The following KLRG1 variants were observed in gnomAD, a reference collection of about 807,000 sequenced individuals.
KLRG1 encodes the protein killer cell lectin like receptor G1, also known as killer cell lectin-like receptor subfamily G member 1.
KLRG1 carries 16 observed loss-of-function variants against 21.8 expected under a neutral mutation model. That is an observed-to-expected ratio of 0.73 (90% CI 0.50 to 1.11). The LOEUF (loss-of-function observed/expected upper bound fraction) is 1.11. KLRG1 is among the 50% of genes most tolerant of loss of function. The pLI is 0.00. For missense variants in KLRG1, 173 were observed against 218.3 expected, an observed-to-expected ratio of 0.79 and a Z score of 1.31; for synonymous variants, 69 against 75.9, an observed-to-expected ratio of 0.91 and a Z score of 0.47.
At chr12:9,196,424 G>A in the KLRG1 span, 2 of 1,611,932 alleles carry the variant, frequency 1.2e-6, no homozygotes, top group Non-Finnish European at 1.7e-6. Context: ...GATCCTGTTT[G>A]CAGTGACTTC....
chr12:9,068,239 A>AC, the KLRG1 span: 1 of 1,603,010 alleles, frequency 6.2e-7, no homozygotes, highest in South Asian at 1.1e-5. Flanking sequence ...AAAAAAAAAA[A>AC]CCAACAAAAA....
At chr12:9,180,137 T>A in the KLRG1 span, among the ~76,000 whole-genome samples, 1 of 152,176 alleles carries the variant, frequency 6.6e-6, no homozygotes, top group East Asian at 1.9e-4. Context: ...TTTATTTATT[T>A]ATTTATTTTA....
the KLRG1 span, among the ~76,000 whole-genome samples, chr12:9,130,547 T>G: frequency 6.6e-6 from 1 of 152,186 alleles, no homozygotes. Context: ...CTCTGGTGAT[T>G]AGTAATGTTG....
At chr12:9,030,985 G>A in the KLRG1 span, among the ~76,000 whole-genome samples, 1 of 152,250 alleles carries the variant, frequency 6.6e-6, no homozygotes, top group Non-Finnish European at 1.5e-5. Context: ...CCGGCAGGGG[G>A]TAGTGAGAGA....
the KLRG1 span, among the ~76,000 whole-genome samples, chr12:9,019,216 CA>C: frequency 4.4e-4 from 67 of 152,286 alleles, no homozygotes; most frequent in East Asian, 0.011. Flanking sequence ...GTCAAAACTA[CA>C]ATATTGTCTC....
the KLRG1 span, chr12:9,077,302 G>A: frequency 6.5e-7 from 1 of 1,541,778 alleles, no homozygotes. Flanking sequence ...CAGTTTCATT[G>A]CATCCAGAAC....
At chr12:8,961,948 T>C (rs1946388744) in intron 1 of KLRG1, among the ~76,000 whole-genome samples, 2 of 152,118 alleles carry the variant, frequency 1.3e-5, no homozygotes, top group Non-Finnish European at 2.9e-5. Flanking sequence ...TAGCCAGGCA[T>C]GGTGGTACGC....
chr12:9,109,382 CT>C, the KLRG1 span: 2 of 1,613,258 alleles, frequency 1.2e-6, no homozygotes, highest in Non-Finnish European at 8.5e-7. Flanking sequence ...GGCACTGTTA[CT>C]TGTACTTCAA....
chr12:9,079,802 G>A, the KLRG1 span: 5 of 1,607,814 alleles, frequency 3.1e-6, no homozygotes, highest in South Asian at 3.3e-5. Context: ...GCATGGCAGA[G>A]CCTAATATGT....
chr12:9,070,011 T>G, the KLRG1 span, among the ~76,000 whole-genome samples: 1 of 152,346 alleles, frequency 6.6e-6, no homozygotes, highest in African/African-American at 2.4e-5. Flanking sequence ...ACGACTAATG[T>G]GTAAAGTTAT....
At chr12:9,100,159 C>T in the KLRG1 span, among the ~76,000 whole-genome samples, 6 of 152,196 alleles carry the variant, frequency 3.9e-5, no homozygotes, top group Middle Eastern at 3.4e-3. Flanking sequence ...CCGCTTCAGT[C>T]GGTAGAAGTA....
chr12:9,050,456 G>C, the KLRG1 span, among the ~76,000 whole-genome samples: 1 of 152,178 alleles, frequency 6.6e-6, no homozygotes, highest in Non-Finnish European at 1.5e-5. Context: ...TCTGAGTTGG[G>C]GTGGGGGCTC....
intron 1 of KLRG1, among the ~76,000 whole-genome samples, chr12:8,961,665 T>C (rs1946384072): frequency 6.6e-6 from 1 of 152,002 alleles, no homozygotes; most frequent in Non-Finnish European, 1.5e-5. Context: ...AGGTGATCTG[T>C]CTGCCTCGGC....
intron 1 of KLRG1, among the ~76,000 whole-genome samples, chr12:8,963,740 A>C (rs1348140318): frequency 6.6e-6 from 1 of 152,176 alleles, no homozygotes; most frequent in Admixed American, 6.5e-5. Context: ...TCAGAGATTC[A>C]ACTTCTTCCT....
the KLRG1 span, among the ~76,000 whole-genome samples, chr12:9,132,081 A>G: frequency 6.6e-6 from 1 of 152,170 alleles, no homozygotes. Context: ...TTAATGGAAA[A>G]TAGATGTGAT....
At chr12:9,092,873 G>A in the KLRG1 span, among the ~76,000 whole-genome samples, 589 of 152,278 alleles carry the variant, frequency 3.9e-3, 7 homozygotes, top group African/African-American at 0.014. Context: ...AAGTGTCTGG[G>A]TGAATGGATA....
At chr12:9,117,081 A>T in the KLRG1 span, among the ~76,000 whole-genome samples, 2 of 152,212 alleles carry the variant, frequency 1.3e-5, no homozygotes, top group Non-Finnish European at 2.9e-5. Context: ...GTCTCGAAGA[A>T]CAAAGAGATG....
chr12:9,110,500 AAC>A, the KLRG1 span, among the ~76,000 whole-genome samples: 3 of 152,082 alleles, frequency 2.0e-5, no homozygotes, highest in Non-Finnish European at 4.4e-5. Flanking sequence ...ATTTGTTCGT[AAC>A]ACAAAGAATA....
the KLRG1 span, among the ~76,000 whole-genome samples, chr12:9,035,374 A>G: frequency 1.3e-5 from 2 of 151,982 alleles, no homozygotes; most frequent in Non-Finnish European, 2.9e-5. Flanking sequence ...ACATGTTCTC[A>G]CTCATAAGTG....
Sources: gnomAD v4.1 joint callset for allele counts (sites outside exome capture counted in the v4.1 genomes callset) on GRCh38, gnomAD v4.1.1 for gene constraint, MANE v1.5 for transcripts, NCBI Gene and HGNC (gene_info 2026-07-23, HGNC 2026-07-21) for gene names.